PTPRK: variants seen among roughly 807,000 people sequenced by gnomAD.
PTPRK encodes the protein receptor-type tyrosine-protein phosphatase kappa.
A neutral mutation model predicts 178.0 loss-of-function variants in PTPRK; 75 were observed. The observed-to-expected ratio is 0.42, with a 90% confidence interval of 0.35 to 0.51. The LOEUF (loss-of-function observed/expected upper bound fraction) is 0.51, where lower values mean the gene tolerates loss of function less well. Among genes scored for constraint, PTPRK ranks in the 20% least tolerant of loss-of-function variants. The pLI, the probability that PTPRK is intolerant of heterozygous loss-of-function variation, is 0.02. For synonymous variants in PTPRK, 637 were observed against 620.6 expected (o/e 1.03, Z -0.39); for missense variants, 1,441 against 1,797.8 (o/e 0.80, Z 3.59).
Position 128,186,858 on chromosome 6 carries a change from C to T in PTPRK, c.869-2133G>A, listed in dbSNP as rs17055423. On this transcript the variant is annotated intron_variant, in intron 6 of 29. Transcript: ENST00000368226. ...TAATAGAAAAAATGTAAATGTCTTC[C>T]GAGATTACCTAAATGCTGCACATAT... is the stretch of plus-strand genomic sequence containing the variant. Among the ~76,000 whole-genome samples, 797 of 152,114 alleles carry T rather than the reference C, an allele frequency of 5.2e-3. 9 individuals carry two copies. The highest frequency in any genetic ancestry group is 0.017 in the African/African-American group (703 of 41,512).
chr6:128,191,040 T>C (rs1344862059), intron 6 of PTPRK, among the ~76,000 whole-genome samples: 3 of 152,028 alleles, frequency 2.0e-5, no homozygotes, highest in African/African-American at 7.2e-5. Context: ...CCCCCATGCC[T>C]ATGCTTACAA....
At chr6:128,112,988 G>A (rs1181554848) in intron 7 of PTPRK, among the ~76,000 whole-genome samples, 1 of 152,048 alleles carries the variant, frequency 6.6e-6, no homozygotes, top group Admixed American at 6.6e-5. Flanking sequence ...TCCTGCATAT[G>A]ATAGTTGTTC....
intron 3 of PTPRK, among the ~76,000 whole-genome samples, chr6:128,244,700 A>G (rs924610159): frequency 6.6e-6 from 1 of 152,212 alleles, no homozygotes; most frequent in South Asian, 2.1e-4. Context: ...GCCAATTCTG[A>G]GATCAGGCTA....
At chr6:128,117,454 T>G (rs1454236790) in intron 7 of PTPRK, among the ~76,000 whole-genome samples, 2 of 152,216 alleles carry the variant, frequency 1.3e-5, no homozygotes, top group Admixed American at 6.5e-5. Context: ...ACATAAACTT[T>G]AGAAGAATCT....
At chr6:128,013,771 C>T (rs1013017536) in intron 13 of PTPRK, among the ~76,000 whole-genome samples, 12 of 151,478 alleles carry the variant, frequency 7.9e-5, no homozygotes, top group African/African-American at 2.7e-4. Context: ...TTTCCCATCC[C>T]CACTGCTACT....
intron 8 of PTPRK, among the ~76,000 whole-genome samples, chr6:128,084,633 A>G (rs1785424045): frequency 1.3e-5 from 2 of 152,178 alleles, no homozygotes; most frequent in African/African-American, 4.8e-5. Context: ...GTCATACACA[A>G]TGACAACACT....
intron 1 of PTPRK, among the ~76,000 whole-genome samples, chr6:128,430,344 C>T (rs919869271): frequency 2.6e-5 from 4 of 152,170 alleles, no homozygotes; most frequent in Admixed American, 6.5e-5. Context: ...ATTATATGGG[C>T]ATTGAATTCT....
chr6:128,155,175 A>G (rs1189406912), intron 7 of PTPRK, among the ~76,000 whole-genome samples: 1 of 151,710 alleles, frequency 6.6e-6, no homozygotes, highest in East Asian at 1.9e-4. Flanking sequence ...ATATCCTGTA[A>G]ACTGGTAGTT....
intron 2 of PTPRK, among the ~76,000 whole-genome samples, chr6:128,371,211 G>A (rs1178383578): frequency 2.0e-5 from 3 of 151,944 alleles, no homozygotes; most frequent in Admixed American, 6.6e-5. Context: ...TTATACTGTC[G>A]ATTCATTTTA....
At chr6:128,193,349 A>G (rs1804226161) in intron 6 of PTPRK, among the ~76,000 whole-genome samples, 1 of 151,412 alleles carries the variant, frequency 6.6e-6, no homozygotes, top group Non-Finnish European at 1.5e-5. Flanking sequence ...TCTTTTCTAC[A>G]AATCACATCA....
At chr6:128,077,802 T>G (rs1390562314) in intron 11 of PTPRK, among the ~76,000 whole-genome samples, 1 of 152,006 alleles carries the variant, frequency 6.6e-6, no homozygotes, top group Non-Finnish European at 1.5e-5. Context: ...ACAATTTGAC[T>G]TAGTTCCTAA....
At chr6:128,020,283 A>G (rs553932770) in intron 13 of PTPRK, among the ~76,000 whole-genome samples, 2 of 152,296 alleles carry the variant, frequency 1.3e-5, no homozygotes, top group East Asian at 3.9e-4. Flanking sequence ...AAATAAGAGA[A>G]AGAAGTACAA....
intron 9 of PTPRK, 38 bp from the exon 10 acceptor site, chr6:128,082,676 C>A: frequency 6.9e-7 from 1 of 1,441,270 alleles, no homozygotes; most frequent in South Asian, 1.3e-5. Context: ...ATCTAGTATC[C>A]ATCATAAGAA....
chr6:128,164,513 A>G (rs1799117953), intron 7 of PTPRK, among the ~76,000 whole-genome samples: 1 of 151,344 alleles, frequency 6.6e-6, no homozygotes, highest in African/African-American at 2.4e-5. Flanking sequence ...CAACGCCTCT[A>G]ACTTATGATA....
At chr6:128,394,033 C>A (rs1839970608) in intron 2 of PTPRK, among the ~76,000 whole-genome samples, 1 of 152,152 alleles carries the variant, frequency 6.6e-6, no homozygotes, top group Non-Finnish European at 1.5e-5. Context: ...CCAAACCCTC[C>A]TTCAAGTAAA....
intron 7 of PTPRK, among the ~76,000 whole-genome samples, chr6:128,093,943 G>A (rs148728759): frequency 7.2e-5 from 11 of 152,266 alleles, no homozygotes; most frequent in African/African-American, 2.6e-4. Flanking sequence ...AGGAATTCAA[G>A]AGGGAGAAAT....
At chr6:128,245,874 C>A (rs4140541) in intron 3 of PTPRK, among the ~76,000 whole-genome samples, 14,812 of 152,088 alleles carry the variant, frequency 0.097, 1,584 homozygotes, top group East Asian at 0.34. Context: ...GTGAAAAAAA[C>A]CCTGTATTAT....
At chr6:128,076,346 G>A (rs1562537348) in intron 11 of PTPRK, among the ~76,000 whole-genome samples, 1 of 151,978 alleles carries the variant, frequency 6.6e-6, no homozygotes, top group Non-Finnish European at 1.5e-5. Flanking sequence ...ACAGCACAAA[G>A]GATTCAGAGG....
intron 1 of PTPRK, among the ~76,000 whole-genome samples, chr6:128,410,439 A>G (rs1049648611): frequency 7.2e-5 from 11 of 152,184 alleles, no homozygotes; most frequent in Non-Finnish European, 1.3e-4. Flanking sequence ...TGTTTTTCAT[A>G]TATTCTGAGC....
Sources: gnomAD v4.1 joint callset for allele counts (sites outside exome capture counted in the v4.1 genomes callset) on GRCh38, gnomAD v4.1.1 for gene constraint, MANE v1.5 for transcripts, NCBI Gene and HGNC (gene_info 2026-07-23, HGNC 2026-07-21) for gene names.